The following PPP2R2A variants were observed in gnomAD, a reference collection of about 807,000 sequenced individuals.
PPP2R2A encodes serine/threonine-protein phosphatase 2A 55 kDa regulatory subunit B alpha isoform.
Under a neutral mutation model 53.2 loss-of-function variants are expected in PPP2R2A, and 9 were observed. The observed-to-expected ratio is 0.17, with a 90% confidence interval of 0.10 to 0.30. PPP2R2A has a LOEUF of 0.30. PPP2R2A is among the 10% of genes least tolerant of loss of function. PPP2R2A has a pLI of 1.00. For missense variants in PPP2R2A, 235 were observed against 534.6 expected (o/e 0.44, Z 5.53); for synonymous variants, 169 against 174.2 (o/e 0.97, Z 0.23).
intron 2 of PPP2R2A, 165 bp downstream of exon 2, chr8:26,293,905 A>G (rs1472603032): frequency 7.8e-6 from 5 of 637,432 alleles, no homozygotes; most frequent in Non-Finnish European, 1.3e-5. Context: ...ACAGCCTTAA[A>G]TTTCATTTGT....
intron 2 of PPP2R2A, among the ~76,000 whole-genome samples, chr8:26,301,346 T>A (rs1801775478): frequency 6.6e-6 from 1 of 151,304 alleles, no homozygotes; most frequent in African/African-American, 2.4e-5. Context: ...TTGTTTTTTT[T>A]TTTTGAGACG....
chr8:26,351,299 T>C (rs1413863132), intron 3 of PPP2R2A, among the ~76,000 whole-genome samples: 1 of 152,148 alleles, frequency 6.6e-6, no homozygotes, highest in Non-Finnish European at 1.5e-5. Flanking sequence ...TCTCCCCTAA[T>C]GCAAGACCCT....
intron 2 of PPP2R2A, among the ~76,000 whole-genome samples, chr8:26,325,215 A>G (rs900165674): frequency 2.6e-5 from 4 of 151,658 alleles, no homozygotes; most frequent in Non-Finnish European, 5.9e-5. Flanking sequence ...GAATTCCCAC[A>G]TGTTGTTGTG....
At chr8:26,345,648 ATTGT>A (rs1804174198) in intron 3 of PPP2R2A, among the ~76,000 whole-genome samples, 1 of 152,096 alleles carries the variant, frequency 6.6e-6, no homozygotes, top group African/African-American at 2.4e-5. Flanking sequence ...AGATTCCTAG[ATTGT>A]TTATTTCTGC....
At chr8:26,339,608 G>A (rs1468825568) in intron 3 of PPP2R2A, among the ~76,000 whole-genome samples, 1 of 151,962 alleles carries the variant, frequency 6.6e-6, no homozygotes, top group African/African-American at 2.4e-5. Flanking sequence ...AAATTTAATT[G>A]ACCAGATTTC....
In PPP2R2A at chr8:26,357,283, A is replaced by ACCC. The variant is rs11365852; in HGVS notation, c.346+2660_346+2662dup. On this transcript the variant is annotated intron_variant, in intron 4 of 9. Transcript: ENST00000380737. ...GAGTTTTTTCTGTGAGCATAGTAAC[A>ACCC]CCCCCCCCCCCCAATATAATGGGTC... is the stretch of plus-strand genomic sequence containing the variant. 8.4e-4 allele frequency among the ~76,000 whole-genome samples: 88 copies of ACCC among 105,204 alleles called. 2 individuals carry two copies. Among genetic ancestry groups the ACCC allele is most frequent in the South Asian group, 1.8e-3 (4 of 2,172 alleles). The allele number at this position is 105,204 out of a possible 152,430, so 69.0% of individuals were successfully genotyped here.
chr8:26,330,503 GT>G (rs200420097), intron 2 of PPP2R2A, among the ~76,000 whole-genome samples: 6,136 of 151,378 alleles, frequency 0.041, 177 homozygotes, highest in Non-Finnish European at 0.061. Context: ...TAGTTTTTTT[GT>G]TTTTTTAGTA....
At chr8:26,364,113 C>T (rs2117416952) in intron 8 of PPP2R2A, among the ~76,000 whole-genome samples, 1 of 152,036 alleles carries the variant, frequency 6.6e-6, no homozygotes, top group East Asian at 1.9e-4. Context: ...TGTGATTTTG[C>T]TACCCATTTG....
At chr8:26,294,269 C>G (rs1455406065) in intron 2 of PPP2R2A, among the ~76,000 whole-genome samples, 7 of 152,106 alleles carry the variant, frequency 4.6e-5, no homozygotes, top group African/African-American at 1.4e-4. Flanking sequence ...ATTTTGTTGT[C>G]TTTCTGGTAT....
At chr8:26,364,049 A>G (rs979627283) in intron 8 of PPP2R2A, among the ~76,000 whole-genome samples, 159 bp downstream of exon 8, 1 of 152,186 alleles carries the variant, frequency 6.6e-6, no homozygotes. Context: ...TCCTTATGTT[A>G]AATGTATATA....
chr8:26,300,715 G>A (rs189706045), intron 2 of PPP2R2A, among the ~76,000 whole-genome samples: 7 of 152,250 alleles, frequency 4.6e-5, no homozygotes, highest in Admixed American at 3.9e-4. Flanking sequence ...TTAGCCGGGT[G>A]TGGTGGTGCG....
At chr8:26,319,949 C>T (rs905393679) in intron 2 of PPP2R2A, among the ~76,000 whole-genome samples, 1 of 151,882 alleles carries the variant, frequency 6.6e-6, no homozygotes, top group South Asian at 2.1e-4. Flanking sequence ...TCTTAAGTTC[C>T]TTTTTGGGTT....
chr8:26,337,752 T>C (rs572142506), intron 2 of PPP2R2A, among the ~76,000 whole-genome samples: 1 of 152,344 alleles, frequency 6.6e-6, no homozygotes, highest in South Asian at 2.1e-4. Context: ...TTATGAGCAC[T>C]TAAATATGTG....
intron 2 of PPP2R2A, among the ~76,000 whole-genome samples, chr8:26,294,288 A>G (rs918240546): frequency 6.6e-6 from 1 of 152,196 alleles, no homozygotes; most frequent in Admixed American, 6.5e-5. Context: ...ATTTAGGTGG[A>G]TAAGACAGTA....
chr8:26,369,369 G>A (rs1805547937), intron 9 of PPP2R2A, among the ~76,000 whole-genome samples: 1 of 150,748 alleles, frequency 6.6e-6, no homozygotes, highest in South Asian at 2.1e-4. Context: ...TGGGACTACA[G>A]GCACGTGCCA....
chr8:26,359,470 T>C (rs1287358407), intron 4 of PPP2R2A, among the ~76,000 whole-genome samples: 1 of 152,212 alleles, frequency 6.6e-6, no homozygotes, highest in Non-Finnish European at 1.5e-5. Context: ...CTTGTAACTT[T>C]CTGTAAATCT....
rs765958459 is a variant in PPP2R2A at position 26,360,148 on chromosome 8, T to G, written c.347-21T>G. Reference sequence around the variant, plus strand: ...TTTTCTTCTTCAGTATTTTAAGGACTTTTCTTTATTTTCTTCCCAGATAAA... The same window carrying G: ...TTTTCTTCTTCAGTATTTTAAGGACGTTTCTTTATTTTCTTCCCAGATAAA... On this transcript the variant is annotated intron_variant, in intron 4 of 9. Coordinates refer to ENST00000380737, the MANE Select transcript of PPP2R2A (RefSeq NM_002717.4). The surrounding 1 kb of genome is among the most constrained non-coding windows in gnomAD (Gnocchi z 4.5). 1 of 1,405,644 alleles carries G rather than the reference T, an allele frequency of 7.1e-7. No homozygotes were observed. The highest frequency in any genetic ancestry group is 1.2e-5 in the South Asian group (1 of 83,852). The allele number at this position is 1,405,644 out of a possible 1,614,324, so 87.1% of individuals were successfully genotyped here.
In PPP2R2A at chr8:26,364,665, A is replaced by T. The variant is rs1198034410; in HGVS notation, c.972+775A>T. Reference sequence around the variant, plus strand: ...AATCCTCTGACAAACATAAACGAAGATTGTTTTTGATACGTGAAATTTCAA... The same window carrying T: ...AATCCTCTGACAAACATAAACGAAGTTTGTTTTTGATACGTGAAATTTCAA... On this transcript the variant is annotated intron_variant, in intron 8 of 9. Transcript: ENST00000380737. Among the ~76,000 whole-genome samples the T allele has an allele frequency of 2.0e-5, 3 of 152,370 alleles. No homozygotes were observed. In the East Asian group the frequency reaches 5.8e-4, roughly 29 times the overall value.
At chr8:26,319,386 C>T (rs78536371) in intron 2 of PPP2R2A, among the ~76,000 whole-genome samples, 3,042 of 152,298 alleles carry the variant, frequency 0.02, 63 homozygotes, top group South Asian at 0.11. Context: ...AACAATCATA[C>T]TGTTTTCCAT....
Sources: allele counts gnomAD v4.1 joint callset (sites outside exome capture counted in the v4.1 genomes callset), GRCh38; gene constraint gnomAD v4.1.1; non-coding constraint Gnocchi (gnomAD v3.1); transcripts MANE v1.5; gene names NCBI Gene and HGNC (gene_info 2026-07-23, HGNC 2026-07-21).